The following KPNA1 variants were observed in gnomAD, a reference collection of about 807,000 sequenced individuals.
KPNA1 encodes the protein importin subunit alpha-5.
A neutral mutation model predicts 70.5 loss-of-function variants in KPNA1; 10 were observed. That is an observed-to-expected ratio of 0.14 (90% CI 0.09 to 0.24). The LOEUF (loss-of-function observed/expected upper bound fraction) is 0.24, where lower values mean the gene tolerates loss of function less well. Among genes scored for constraint, KPNA1 ranks in the 10% least tolerant of loss-of-function variants. KPNA1 has a pLI of 1.00. For synonymous variants in KPNA1, 192 were observed against 221.9 expected, an observed-to-expected ratio of 0.87 and a Z score of 1.20; for missense variants, 397 against 637.9, an observed-to-expected ratio of 0.62 and a Z score of 4.07.
chr3:122,451,591 T>C lies in KPNA1; in HGVS notation c.696A>G (p.Ala232=), dbSNP rs757010620. The stretch of plus-strand genomic sequence containing the variant: ...TACAGAGATTAGACAAAGCCCATAC[T>C]GCATTCCGGGTCATGGTCAGGCGGT... ...KQNRLTMTRN[A]VWALSNLCRG... Residue 232 remains alanine (A), a synonymous_variant, in exon 8 of 14, where the codon GCA becomes GCG. Coordinates refer to ENST00000344337, the MANE Select transcript of KPNA1 (RefSeq NM_002264.4). The C allele has an allele frequency of 6.2e-7, 1 of 1,614,086 alleles. No individual in the cohort carries two copies. The highest frequency in any genetic ancestry group is 1.7e-5 in the Admixed American group (1 of 59,994).
intron 12 of KPNA1, 131 bp downstream of exon 12, chr3:122,433,530 C>T (rs953051115): frequency 1.2e-5 from 8 of 640,144 alleles, no homozygotes; most frequent in South Asian, 9.0e-5. Context: ...TTGGTAAGAT[C>T]GTCTCTCACT....
intron 5 of KPNA1, 59 bp from the exon 6 acceptor site, chr3:122,454,060 T>C (rs765212272): frequency 3.3e-6 from 4 of 1,198,422 alleles, no homozygotes; most frequent in Non-Finnish European, 3.5e-6. Flanking sequence ...TGTTTACTTA[T>C]AACAGTAACA....
At chr3:122,429,535 G>A (rs1418651346) in intron 12 of KPNA1, among the ~76,000 whole-genome samples, 1 of 148,344 alleles carries the variant, frequency 6.7e-6, no homozygotes, top group Non-Finnish European at 1.5e-5. Flanking sequence ...GGATATATAT[G>A]AGGAAAACTA....
intron 11 of KPNA1, among the ~76,000 whole-genome samples, chr3:122,435,018 T>C (rs751620754): frequency 5.3e-5 from 8 of 152,230 alleles, no homozygotes; most frequent in Non-Finnish European, 8.8e-5. Flanking sequence ...TTGACAAAGT[T>C]GATTACTGGA....
chr3:122,498,388 C>T (rs537343656), intron 1 of KPNA1, among the ~76,000 whole-genome samples: 1 of 152,198 alleles, frequency 6.6e-6, no homozygotes, highest in African/African-American at 2.4e-5. Flanking sequence ...AACAAGGAAG[C>T]AGGCTCTCAC....
chr3:122,463,417 A>G (rs2076347426), intron 4 of KPNA1, among the ~76,000 whole-genome samples: 1 of 151,304 alleles, frequency 6.6e-6, no homozygotes, highest in South Asian at 2.1e-4. Flanking sequence ...GCTACTCGGG[A>G]GACTGAGGCA....
intron 1 of KPNA1, chr3:122,514,517 C>A: frequency 6.5e-6 from 1 of 152,696 alleles, no homozygotes; most frequent in South Asian, 1.8e-4. Context: ...GACCGGCGTT[C>A]CCGATGGCGA....
At chr3:122,456,842 C>A (rs1198959987) in intron 5 of KPNA1, among the ~76,000 whole-genome samples, 1 of 152,144 alleles carries the variant, frequency 6.6e-6, no homozygotes, top group Non-Finnish European at 1.5e-5. Flanking sequence ...AGATGGGTAA[C>A]TGTAACAAGA....
At chr3:122,496,366 T>C (rs1014821870) in intron 2 of KPNA1, 71 bp downstream of exon 2, 32 of 1,241,904 alleles carry the variant, frequency 2.6e-5, no homozygotes, top group Non-Finnish European at 3.6e-5. Context: ...TTTGCTAAAA[T>C]GAAGATAGTT....
At chr3:122,470,626 A>G (rs1186214807) in intron 2 of KPNA1, among the ~76,000 whole-genome samples, 1 of 152,156 alleles carries the variant, frequency 6.6e-6, no homozygotes, top group Non-Finnish European at 1.5e-5. Flanking sequence ...ATTATCTTAT[A>G]GTAAGATACA....
chr3:122,491,728 G>A (rs1449358424), intron 2 of KPNA1, among the ~76,000 whole-genome samples: 1 of 151,614 alleles, frequency 6.6e-6, no homozygotes, highest in Non-Finnish European at 1.5e-5. Context: ...ATCCCAAAAA[G>A]GTAATAGAGG....
intron 11 of KPNA1, 150 bp from the exon 12 acceptor site, chr3:122,433,938 C>CTT: frequency 1.6e-6 from 1 of 634,044 alleles, no homozygotes; most frequent in Non-Finnish European, 2.5e-6. Flanking sequence ...TATCTCTAAC[C>CTT]TTTTTTTTTC....
intron 1 of KPNA1, among the ~76,000 whole-genome samples, chr3:122,513,022 G>A (rs995279203): frequency 4.6e-5 from 7 of 152,116 alleles, no homozygotes. Context: ...AGTTTTGATC[G>A]CGACTATATC....
At chr3:122,475,779 C>T (rs569026056) in intron 2 of KPNA1, among the ~76,000 whole-genome samples, 1 of 152,214 alleles carries the variant, frequency 6.6e-6, no homozygotes, top group South Asian at 2.1e-4. Flanking sequence ...GTATTATATG[C>T]TGTATTTTTT....
chr3:122,453,518 TTTTG>T (rs935789725), intron 6 of KPNA1, among the ~76,000 whole-genome samples: 2 of 91,768 alleles, frequency 2.2e-5, no homozygotes, highest in African/African-American at 3.2e-5. Flanking sequence ...TTGTGGTTTT[TTTTG>T]TTTTTCTTTT....
At chr3:122,506,739 T>C (rs1472528354) in intron 1 of KPNA1, among the ~76,000 whole-genome samples, 1 of 152,206 alleles carries the variant, frequency 6.6e-6, no homozygotes, top group African/African-American at 2.4e-5. Flanking sequence ...ATGTTTTCCT[T>C]TGAGAGGTTT....
chr3:122,426,351 T>A lies in KPNA1; in HGVS notation c.*634A>T, dbSNP rs2075822482. 1 of 152,610 alleles carries A rather than the reference T, an allele frequency of 6.6e-6. No individual in the cohort carries two copies. The highest frequency in any genetic ancestry group is 1.5e-5 in the Non-Finnish European group (1 of 68,036). The allele number at this position is 152,610 out of a possible 1,614,324, so 9.5% of individuals were successfully genotyped here. A position where few individuals can be genotyped will look rare whatever the true frequency, so the allele number is the denominator to read the frequency against. The stretch of plus-strand genomic sequence containing the variant: ...CATTCCTGACAACTAGAAAGCACAT[T>A]CACTGAAGGCTGAAGGTGAGGGAGT... On this transcript the variant is annotated 3_prime_UTR_variant, in exon 14 of 14. Transcript: ENST00000344337.
At position 122,451,485 on chromosome 3, in the gene KPNA1, T is replaced by C. The variant is rs774086010; in HGVS notation, c.753+49A>G. On this transcript the variant is annotated intron_variant, in intron 8 of 13. Coordinates refer to ENST00000344337, the MANE Select transcript of KPNA1 (RefSeq NM_002264.4). ...TTCACCTTACCATTGGTTGCAATAC[T>C]CTTTTAATTGTATTTTTTCTGCCAA... 8 of 1,004,188 alleles carry C rather than the reference T, an allele frequency of 8.0e-6. No individual in the cohort carries two copies. The South Asian group carries it at 1.2e-4, about 15-fold the overall frequency. 62.2% of individuals were successfully genotyped at this position (1,004,188 alleles called of 1,614,324 possible). A position where few individuals can be genotyped will look rare whatever the true frequency, so the allele number is the denominator to read the frequency against.
At chr3:122,447,427 G>C (rs1452687823) in intron 9 of KPNA1, among the ~76,000 whole-genome samples, 1 of 152,172 alleles carries the variant, frequency 6.6e-6, no homozygotes, top group Non-Finnish European at 1.5e-5. Context: ...AAAACTACAT[G>C]ATTATCTCAA....
Sources: gnomAD v4.1 joint callset for allele counts (sites outside exome capture counted in the v4.1 genomes callset) on GRCh38, gnomAD v4.1.1 for gene constraint, MANE v1.5 for transcripts, NCBI Gene and HGNC (gene_info 2026-07-23, HGNC 2026-07-21) for gene names.